AGBL1: variants seen among roughly 807,000 people sequenced by gnomAD.
AGBL1 encodes the protein cytosolic carboxypeptidase 4.
Under a neutral mutation model 118.9 loss-of-function variants are expected in AGBL1, and 130 were observed. The ratio of observed to expected loss-of-function variants is 1.09; its 90% CI spans 0.95 to 1.26. The LOEUF is 1.26. Among genes scored for constraint, AGBL1 ranks in the 50% most tolerant of loss-of-function variants. The pLI is 0.00. For missense variants in AGBL1, 1,584 were observed against 1,298.1 expected (o/e 1.22, Z -3.38); for synonymous variants, 555 against 478.9 (o/e 1.16, Z -2.08).
chr15:86,709,203 G>A (rs1319914539), intron 22 of AGBL1, among the ~76,000 whole-genome samples: 1 of 152,070 alleles, frequency 6.6e-6, no homozygotes, highest in Non-Finnish European at 1.5e-5. Context: ...ACTCAATCCA[G>A]GCACTTGTAT....
chr15:86,504,547 T>C (rs1442100125), intron 18 of AGBL1, among the ~76,000 whole-genome samples: 1 of 151,706 alleles, frequency 6.6e-6, no homozygotes, highest in Non-Finnish European at 1.5e-5. Flanking sequence ...TATTTAAATT[T>C]GTTTTCATTA....
At chr15:86,744,906 G>C (rs2077732892) in intron 22 of AGBL1, among the ~76,000 whole-genome samples, 1 of 152,098 alleles carries the variant, frequency 6.6e-6, no homozygotes, top group South Asian at 2.1e-4. Context: ...CTGTTGATCT[G>C]CGGAGCAGCT....
At chr15:86,837,622 C>T (rs2079187156) in intron 22 of AGBL1, among the ~76,000 whole-genome samples, 1 of 152,132 alleles carries the variant, frequency 6.6e-6, no homozygotes, top group Non-Finnish European at 1.5e-5. Context: ...GCAATATGTA[C>T]TCAAAAATAG....
intron 21 of AGBL1, among the ~76,000 whole-genome samples, chr15:86,670,420 G>T (rs372037052): frequency 6.6e-6 from 1 of 151,796 alleles, no homozygotes; most frequent in African/African-American, 2.4e-5. Context: ...CCTGGCCAAG[G>T]TGGTGAAACC....
chr15:86,402,187 G>GTTAA (rs1567238289), intron 18 of AGBL1, among the ~76,000 whole-genome samples: 1 of 151,228 alleles, frequency 6.6e-6, no homozygotes, highest in African/African-American at 2.4e-5. Context: ...GTATTTCTAG[G>GTTAA]TTATTTATTT....
intron 17 of AGBL1, among the ~76,000 whole-genome samples, chr15:86,325,281 T>A (rs2080167922): frequency 6.6e-6 from 1 of 152,138 alleles, no homozygotes; most frequent in Non-Finnish European, 1.5e-5. Flanking sequence ...AGAGGAAGAA[T>A]GGCAGATAAC....
At chr15:86,782,273 CAATG>C (rs1243499800) in intron 22 of AGBL1, among the ~76,000 whole-genome samples, 1 of 151,288 alleles carries the variant, frequency 6.6e-6, no homozygotes, top group Non-Finnish European at 1.5e-5. Flanking sequence ...ATTTATAAAA[CAATG>C]AAGAGTACTA....
chr15:86,612,018 CAAAT>C (rs1237122978), intron 21 of AGBL1, among the ~76,000 whole-genome samples: 2 of 152,128 alleles, frequency 1.3e-5, no homozygotes, highest in African/African-American at 4.8e-5. Context: ...AGGAATTTAA[CAAAT>C]AAACCCCAAA....
At chr15:87,004,163 G>T (rs925962242) in intron 24 of AGBL1, among the ~76,000 whole-genome samples, 5 of 152,140 alleles carry the variant, frequency 3.3e-5, no homozygotes, top group Non-Finnish European at 7.3e-5. Context: ...CTGGTATGTT[G>T]TGTCTTTGTT....
intron 15 of AGBL1, among the ~76,000 whole-genome samples, chr15:86,275,152 G>A (rs1020718767): frequency 1.3e-5 from 2 of 152,130 alleles, no homozygotes; most frequent in Non-Finnish European, 2.9e-5. Flanking sequence ...CCCAGCTCTG[G>A]TCTAAAGTAA....
intron 23 of AGBL1, among the ~76,000 whole-genome samples, chr15:86,956,582 C>T (rs1258536303): frequency 6.6e-6 from 1 of 152,152 alleles, no homozygotes; most frequent in Admixed American, 6.6e-5. Context: ...TGCTCTTCAA[C>T]AGATCAGATG....
intron 1 of AGBL1, among the ~76,000 whole-genome samples, chr15:86,103,140 T>C (rs1896833317): frequency 6.6e-6 from 1 of 152,214 alleles, no homozygotes; most frequent in Non-Finnish European, 1.5e-5. Flanking sequence ...CCAGGATTTC[T>C]GTTTGGTTCT....
chr15:86,503,727 C>T (rs2082943455), intron 18 of AGBL1, among the ~76,000 whole-genome samples: 1 of 151,162 alleles, frequency 6.6e-6, no homozygotes, highest in Non-Finnish European at 1.5e-5. Context: ...TTTCCATGTG[C>T]TTATAAATTT....
At chr15:86,675,000 T>C (rs1320692282) in intron 22 of AGBL1, among the ~76,000 whole-genome samples, 1 of 152,134 alleles carries the variant, frequency 6.6e-6, no homozygotes, top group Non-Finnish European at 1.5e-5. Flanking sequence ...ATGAGCCAAG[T>C]GAGGGAGAAC....
rs552000552 is a variant in AGBL1, at chr15:86,562,316, C to T, written c.2994+7779C>T. Among the ~76,000 whole-genome samples, 4 of 152,278 alleles carry T rather than the reference C, an allele frequency of 2.6e-5. No homozygotes were observed. The South Asian group carries it at 8.3e-4, about 32-fold the overall frequency. On this transcript the variant is annotated intron_variant, in intron 21 of 22. Transcript: ENST00000614907. ...GCTCTTATTATTTTGAGATATGTCC[C>T]ATCAATACCTAATTTCTTGAGAGTT...
chr15:86,428,403 T>TAC (rs1264271332), intron 18 of AGBL1, among the ~76,000 whole-genome samples: 1 of 152,230 alleles, frequency 6.6e-6, no homozygotes, highest in Non-Finnish European at 1.5e-5. Flanking sequence ...GGAAGGCAGA[T>TAC]ACACATCTTC....
intron 22 of AGBL1, among the ~76,000 whole-genome samples, chr15:86,789,778 G>T (rs1331448706): frequency 6.6e-6 from 1 of 152,130 alleles, no homozygotes; most frequent in Non-Finnish European, 1.5e-5. Flanking sequence ...CCAAGTGAGT[G>T]CTTCTGATGA....
At chr15:86,310,464 C>A (rs1057380827) in intron 17 of AGBL1, among the ~76,000 whole-genome samples, 1 of 152,082 alleles carries the variant, frequency 6.6e-6, no homozygotes, top group African/African-American at 2.4e-5. Flanking sequence ...TGGCTAGTTC[C>A]AGGGTCAGCA....
chr15:87,030,708 G>GCTAA (rs1207318457), downstream of AGBL1, among the ~76,000 whole-genome samples: 1 of 151,884 alleles, frequency 6.6e-6, no homozygotes, highest in East Asian at 1.9e-4. Context: ...ATATTGCCTT[G>GCTAA]CTAACTATAT....
Sources: gnomAD v4.1 joint callset for allele counts (sites outside exome capture counted in the v4.1 genomes callset) on GRCh38, gnomAD v4.1.1 for gene constraint, MANE v1.5 for transcripts, NCBI Gene and HGNC (gene_info 2026-07-23, HGNC 2026-07-21) for gene names.